TPM1: variants seen among roughly 807,000 people sequenced by gnomAD.
TPM1 encodes the protein tropomyosin 1.
Under a neutral mutation model 42.9 loss-of-function variants are expected in TPM1, and 24 were observed. The observed-to-expected ratio is 0.56, with a 90% CI of 0.41 to 0.79. The LOEUF (loss-of-function observed/expected upper bound fraction) is 0.79, where lower values mean the gene tolerates loss of function less well. Ranked by LOEUF, TPM1 falls within the 30% of genes least tolerant of loss-of-function variation. TPM1 has a pLI of 0.00. For missense variants in TPM1, 158 were observed against 351.8 expected (o/e 0.45, Z 4.41); for synonymous variants, 136 against 130.1 (o/e 1.05, Z -0.31).
chr15:63,060,221 G>A (rs138368795), intron 4 of TPM1, among the ~76,000 whole-genome samples: 1 of 152,242 alleles, frequency 6.6e-6, no homozygotes, highest in East Asian at 1.9e-4. Flanking sequence ...GATTATTAAG[G>A]TTTCTGTTTT....
At chr15:63,055,014 C>G (rs1403450374) in intron 2 of TPM1, among the ~76,000 whole-genome samples, 4 of 126,526 alleles carry the variant, frequency 3.2e-5, no homozygotes, top group Non-Finnish European at 5.0e-5. Flanking sequence ...ATACATCCTT[C>G]CAGTAATAGT....
chr15:63,070,159 TA>T, downstream of TPM1: 20 of 1,388,438 alleles, frequency 1.4e-5, no homozygotes, highest in Non-Finnish European at 1.8e-5. Context: ...GCTTTTATGG[TA>T]GAATACTTAT....
chr15:63,048,184 C>A (rs1566942059), intron 2 of TPM1: 1 of 456,298 alleles, frequency 2.2e-6, no homozygotes, highest in Non-Finnish European at 4.4e-6. Flanking sequence ...TACCCCGGGT[C>A]ACCACCGCGC....
downstream of TPM1, chr15:63,066,179 T>C (rs776843851): frequency 1.2e-4 from 168 of 1,425,256 alleles, no homozygotes; most frequent in Non-Finnish European, 1.5e-4. Context: ...TTCACACATA[T>C]GAGGGTTAGT....
intron 3 of TPM1, 62 bp downstream of exon 3, chr15:63,057,180 C>T: frequency 6.2e-7 from 1 of 1,606,962 alleles, no homozygotes; most frequent in Non-Finnish European, 8.5e-7. Flanking sequence ...AACCGGAGGG[C>T]TCCTGTGATC....
chr15:63,070,994 T>C (rs1595699825), downstream of TPM1: 3 of 1,592,982 alleles, frequency 1.9e-6, no homozygotes, highest in South Asian at 1.1e-5. Context: ...CATCTCATCC[T>C]GTGTTTGTGA....
At chr15:63,065,783 G>T (rs552017179) in intron 9 of TPM1, 113 bp from the exon 10 acceptor site, 3 of 1,413,466 alleles carry the variant, frequency 2.1e-6, no homozygotes, top group East Asian at 2.5e-5. Context: ...TTGCATGACT[G>T]CTTCTTGTCT....
downstream of TPM1, chr15:63,066,322 T>G: frequency 1.7e-6 from 1 of 579,930 alleles, no homozygotes; most frequent in Non-Finnish European, 2.4e-6. Context: ...GTTCTGATTT[T>G]CAAAGGTTAG....
rs947201175 is a variant in TPM1 at position 63,043,813 on chromosome 15, C to G, written c.115-214C>G. The G allele has an allele frequency of 2.8e-5, 43 of 1,548,632 alleles. No individual in the cohort carries two copies. The African/African-American group carries it at 5.2e-4, about 19-fold the overall frequency. ...AGGCGGAGGACAGCCTCCTGGCCGCCGAAGAGGCCGCCGCCAAGGTACCCG... is the reference window on the plus strand; with the variant it reads ...AGGCGGAGGACAGCCTCCTGGCCGCGGAAGAGGCCGCCGCCAAGGTACCCG... On this transcript the variant is annotated intron_variant, in intron 1 of 9. Coordinates refer to ENST00000403994, the MANE Select transcript of TPM1 (RefSeq NM_001018005.2).
At chr15:63,051,892 T>A (rs2033938800) in intron 2 of TPM1, among the ~76,000 whole-genome samples, 1 of 96,616 alleles carries the variant, frequency 1.0e-5, no homozygotes, top group African/African-American at 4.0e-5. Flanking sequence ...TCATAAAAGT[T>A]GTTTTTTTTT....
intron 2 of TPM1, among the ~76,000 whole-genome samples, chr15:63,052,719 G>A (rs1257651252): frequency 6.6e-6 from 1 of 151,580 alleles, no homozygotes; most frequent in African/African-American, 2.4e-5. Context: ...AGACTCCCCA[G>A]GTGCCATGAT....
intron 7 of TPM1, 46 bp from the exon 8 acceptor site, chr15:63,062,530 A>G (rs377676566): frequency 9.4e-6 from 15 of 1,599,662 alleles, no homozygotes; most frequent in African/African-American, 5.4e-5. Context: ...TTGTAGCTAC[A>G]GGAAACATAA....
intron 9 of TPM1, 36 bp from the exon 10 acceptor site, chr15:63,065,838 TTTTTTTTTTCTCATTGTGCCAC>T: frequency 6.4e-7 from 1 of 1,565,550 alleles, no homozygotes; most frequent in East Asian, 2.3e-5. Flanking sequence ...CCTTTCTTTT[TTTTTTTTTTCTCATTGTGCCAC>T]TTTTTTTTTC....
chr15:63,053,673 AT>A (rs397853689), intron 2 of TPM1, among the ~76,000 whole-genome samples: 43 of 75,106 alleles, frequency 5.7e-4, no homozygotes, highest in Middle Eastern at 6.3e-3. Context: ...TGGAAGTTTG[AT>A]TTTTTTTTTT....
rs2031863455 is a variant in TPM1 at position 63,044,094 on chromosome 15, C to G, written c.182C>G (p.Ser61Cys). ...ACCGAAGATGAACTGGACAAATACT[C>G]TGAGGCTCTCAAAGATGCCCAGGAG... ...KGTEDELDKY[S>C]EALKDAQEKL... The change falls in exon 2 of 10, where the codon TCT becomes TGT. Residue 61 changes from serine to cysteine, a missense_variant. Coordinates refer to ENST00000403994, the MANE Select transcript of TPM1 (RefSeq NM_001018005.2). The G allele has an allele frequency of 1.1e-5, 18 of 1,614,190 alleles. No homozygotes were observed. Among genetic ancestry groups the G allele is most frequent in the Non-Finnish European group, 1.5e-5 (18 of 1,180,038 alleles).
chr15:63,048,500 C>A (rs1323146663), intron 2 of TPM1: 2 of 1,458,232 alleles, frequency 1.4e-6, no homozygotes, highest in South Asian at 2.7e-5. Context: ...GCCAGGACAG[C>A]CGCGGCAGCC....
intron 2 of TPM1, among the ~76,000 whole-genome samples, chr15:63,055,475 C>G (rs1212607123): frequency 1.3e-5 from 2 of 152,144 alleles, no homozygotes; most frequent in Non-Finnish European, 2.9e-5. Context: ...ATTTGCATTT[C>G]CAACTCTGTA....
chr15:63,048,650 G>A lies in TPM1; in HGVS notation c.240+4498G>A, dbSNP rs549116295. 3.2e-6 allele frequency: 5 copies of A among 1,539,032 alleles called. No homozygotes were observed. The African/African-American group carries it at 7.0e-5, about 22-fold the overall frequency. On this transcript the variant is annotated intron_variant, in intron 2 of 9. Coordinates refer to ENST00000403994, the MANE Select transcript of TPM1 (RefSeq NM_001018005.2). ...TGCAGGAGCAGGCGGACGCCGCTGAGGAGCGCGCGGGCACCCTGCAGCGCG... is the reference window on the plus strand; with the variant it reads ...TGCAGGAGCAGGCGGACGCCGCTGAAGAGCGCGCGGGCACCCTGCAGCGCG...
intron 6 of TPM1, 165 bp downstream of exon 6, chr15:63,061,953 A>AT: frequency 1.4e-6 from 1 of 706,026 alleles, no homozygotes; most frequent in Non-Finnish European, 2.4e-6. Context: ...TAACTAGAGA[A>AT]TTTATTTTAT....
Sources: allele counts gnomAD v4.1 joint callset (sites outside exome capture counted in the v4.1 genomes callset), GRCh38; gene constraint gnomAD v4.1.1; transcripts MANE v1.5; gene names NCBI Gene and HGNC (gene_info 2026-07-23, HGNC 2026-07-21).